The following NR6A1 variants were observed in gnomAD, a reference collection of about 807,000 sequenced individuals.
The protein encoded by NR6A1 is nuclear receptor subfamily 6 group A member 1, also known as retinoic acid receptor-related testis-associated receptor.
NR6A1 carries 7 observed loss-of-function variants against 59.1 expected under a neutral mutation model. That is an observed-to-expected ratio of 0.12 (90% CI 0.07 to 0.22). NR6A1 has a LOEUF of 0.22. Ranked by LOEUF, NR6A1 falls within the 10% of genes least tolerant of loss-of-function variation. The probability of loss-of-function intolerance (pLI) is 1.00; values close to 1 mark genes in which losing one functional copy is unlikely to be tolerated. For missense variants in NR6A1, 468 were observed against 611.6 expected, an observed-to-expected ratio of 0.77 and a Z score of 2.48; for synonymous variants, 243 against 236.1, an observed-to-expected ratio of 1.03 and a Z score of -0.27.
At chr9:124,742,573 TAAAAATA>T (rs1840204965) in intron 1 of NR6A1, among the ~76,000 whole-genome samples, 1 of 141,254 alleles carries the variant, frequency 7.1e-6, no homozygotes, top group Admixed American at 7.2e-5. Flanking sequence ...AAAATAAAAA[TAAAAATA>T]AAAAATAAAA....
chr9:124,752,293 A>G (rs150860544), intron 1 of NR6A1, among the ~76,000 whole-genome samples: 285 of 152,204 alleles, frequency 1.9e-3, no homozygotes, highest in African/African-American at 6.2e-3. Context: ...ATTAAATAAG[A>G]AAAAATGACA....
chr9:124,650,416 G>A (rs1419653692), intron 2 of NR6A1, among the ~76,000 whole-genome samples: 1 of 152,128 alleles, frequency 6.6e-6, no homozygotes, highest in African/African-American at 2.4e-5. Flanking sequence ...GAATAGAATG[G>A]TGATCACCAG....
chr9:124,605,639 T>C (rs1835557295), intron 2 of NR6A1, among the ~76,000 whole-genome samples: 1 of 152,140 alleles, frequency 6.6e-6, no homozygotes, highest in Non-Finnish European at 1.5e-5. Flanking sequence ...TTTTAAAGGA[T>C]AAGGATACAT....
chr9:124,577,507 C>G (rs564754774), intron 2 of NR6A1, among the ~76,000 whole-genome samples: 2 of 152,296 alleles, frequency 1.3e-5, no homozygotes, highest in Admixed American at 1.3e-4. Flanking sequence ...GATTATGGAG[C>G]CATTAAATTT....
At position 124,624,285 on chromosome 9, in the gene NR6A1, A is replaced by ATGG. The variant is rs1564206079; in HGVS notation, c.143-69718_143-69716dup. On this transcript the variant is annotated intron_variant, in intron 2 of 9. Transcript: ENST00000487099. ...GAGGGCTGTGGCAGTTTCCCGGTAC[A>ATGG]TGGTGGCAGCAGTGGGATCACAGCC... Among the ~76,000 whole-genome samples the ATGG allele has an allele frequency of 7.2e-5, 11 of 152,324 alleles. No individual in the cohort carries two copies. In the South Asian group the frequency reaches 1.9e-3, roughly 26 times the overall value.
At chr9:124,550,512 G>A (rs1016699886) in intron 3 of NR6A1, among the ~76,000 whole-genome samples, 3 of 150,540 alleles carry the variant, frequency 2.0e-5, no homozygotes, top group South Asian at 2.1e-4. Flanking sequence ...ATGCCACCGC[G>A]CCAGCTAATT....
chr9:124,560,807 C>T (rs976948487), intron 2 of NR6A1, among the ~76,000 whole-genome samples: 6 of 152,110 alleles, frequency 3.9e-5, no homozygotes, highest in Admixed American at 6.5e-5. Context: ...ATGATCCACC[C>T]GCCTCAGCCT....
chr9:124,757,523 G>C (rs10986414), intron 1 of NR6A1, among the ~76,000 whole-genome samples: 1 of 149,348 alleles, frequency 6.7e-6, no homozygotes, highest in Non-Finnish European at 1.5e-5. Context: ...AAGTTGCTTA[G>C]TGGTAGGATT....
intron 2 of NR6A1, among the ~76,000 whole-genome samples, chr9:124,683,319 A>G (rs1838231798): frequency 6.6e-6 from 1 of 152,226 alleles, no homozygotes; most frequent in Admixed American, 6.5e-5. Flanking sequence ...CTTCAATTTT[A>G]TGTTCTTTCT....
At chr9:124,644,192 G>A (rs1315262456) in intron 2 of NR6A1, among the ~76,000 whole-genome samples, 7 of 151,176 alleles carry the variant, frequency 4.6e-5, no homozygotes, top group African/African-American at 1.5e-4. Context: ...GTGAGCCACC[G>A]CGCCTGGCCT....
chr9:124,587,794 C>G (rs781321956), intron 2 of NR6A1, among the ~76,000 whole-genome samples: 2 of 152,220 alleles, frequency 1.3e-5, no homozygotes, highest in Admixed American at 1.3e-4. Context: ...CTCTTTTACA[C>G]ATTACATTCA....
intron 2 of NR6A1, among the ~76,000 whole-genome samples, chr9:124,684,235 T>C (rs1838257552): frequency 6.6e-6 from 1 of 152,182 alleles, no homozygotes; most frequent in Non-Finnish European, 1.5e-5. Flanking sequence ...GAAGGATGCA[T>C]CACCAACAGC....
chr9:124,755,914 G>A (rs1277768126), intron 1 of NR6A1, among the ~76,000 whole-genome samples: 1 of 152,096 alleles, frequency 6.6e-6, no homozygotes, highest in South Asian at 2.1e-4. Context: ...ATGTTAAGAT[G>A]GGGAAAAGAT....
chr9:124,610,961 C>T (rs1269337586), intron 2 of NR6A1, among the ~76,000 whole-genome samples: 1 of 152,142 alleles, frequency 6.6e-6, no homozygotes, highest in African/African-American at 2.4e-5. Context: ...CCCCAAATAA[C>T]TTTCCTTTCT....
chr9:124,711,798 T>C (rs1195053179), intron 2 of NR6A1, among the ~76,000 whole-genome samples: 4 of 152,158 alleles, frequency 2.6e-5, no homozygotes, highest in Admixed American at 6.5e-5. Flanking sequence ...TTCCCATGTG[T>C]CTTTATTGTT....
intron 2 of NR6A1, among the ~76,000 whole-genome samples, chr9:124,665,141 A>G (rs1412904401): frequency 6.7e-6 from 1 of 149,674 alleles, no homozygotes; most frequent in Non-Finnish European, 1.5e-5. Flanking sequence ...AGCCATGTTC[A>G]CCCCACTGCA....
intron 2 of NR6A1, among the ~76,000 whole-genome samples, chr9:124,689,523 A>C (rs1838456022): frequency 6.6e-6 from 1 of 152,218 alleles, no homozygotes; most frequent in African/African-American, 2.4e-5. Flanking sequence ...ATGGGAGACA[A>C]GAGAAGCAAT....
chr9:124,700,737 A>G (rs950750414), intron 2 of NR6A1, among the ~76,000 whole-genome samples: 1 of 150,434 alleles, frequency 6.6e-6, no homozygotes, highest in East Asian at 1.9e-4. Flanking sequence ...AATGCTATCA[A>G]TAAACATTTA....
chr9:124,703,243 C>T (rs935716258), intron 2 of NR6A1, among the ~76,000 whole-genome samples: 2 of 136,182 alleles, frequency 1.5e-5, no homozygotes, highest in Non-Finnish European at 3.1e-5. Context: ...GACAGGATCT[C>T]GCTCTGTCAC....
Sources: gnomAD v4.1 joint callset for allele counts (sites outside exome capture counted in the v4.1 genomes callset) on GRCh38, gnomAD v4.1.1 for gene constraint, MANE v1.5 for transcripts, NCBI Gene and HGNC (gene_info 2026-07-23, HGNC 2026-07-21) for gene names.